PKHD1: variants seen among roughly 807,000 people sequenced by gnomAD.
The protein encoded by PKHD1 is PKHD1 ciliary IPT domain containing fibrocystin/polyductin, also known as fibrocystin.
A neutral mutation model predicts 412.0 loss-of-function variants in PKHD1; 291 were observed. That is an observed-to-expected ratio of 0.71 (90% CI 0.64 to 0.78). The LOEUF (loss-of-function observed/expected upper bound fraction) is 0.78, where lower values mean the gene tolerates loss of function less well. PKHD1 is among the 30% of genes least tolerant of loss of function. The pLI, the probability that PKHD1 is intolerant of heterozygous loss-of-function variation, is 0.00. For synonymous variants in PKHD1, 1,777 were observed against 1,821.5 expected (o/e 0.98, Z 0.62); for missense variants, 4,825 against 4,950.7 (o/e 0.97, Z 0.76).
At chr6:51,695,123 TTAA>T (rs1440609093) in intron 60 of PKHD1, among the ~76,000 whole-genome samples, 1 of 152,170 alleles carries the variant, frequency 6.6e-6, no homozygotes, top group African/African-American at 2.4e-5. Flanking sequence ...TTAAAAGTAT[TTAA>T]TAATATTTCT....
intron 52 of PKHD1, among the ~76,000 whole-genome samples, chr6:51,812,994 G>T (rs1764925762): frequency 6.6e-6 from 1 of 152,156 alleles, no homozygotes; most frequent in Non-Finnish European, 1.5e-5. Flanking sequence ...CTGTAAGCCT[G>T]CTTCCCACTT....
chr6:52,014,822 A>ATGGATGGG (rs1800320124), intron 34 of PKHD1, among the ~76,000 whole-genome samples: 1 of 151,968 alleles, frequency 6.6e-6, no homozygotes, highest in African/African-American at 2.4e-5. Context: ...GGATGGATGG[A>ATGGATGGG]TGGACGGACG....
chr6:52,024,542 A>T, intron 32 of PKHD1, 32 bp downstream of exon 32: 1 of 1,578,472 alleles, frequency 6.3e-7, no homozygotes, highest in South Asian at 1.1e-5. Context: ...ATTTACATAA[A>T]GAAAGTGTGC....
chr6:52,062,024 A>G, intron 14 of PKHD1, among the ~76,000 whole-genome samples: 1 of 152,208 alleles, frequency 6.6e-6, no homozygotes, highest in East Asian at 1.9e-4. Flanking sequence ...ACTGAAAACA[A>G]TGTCTCACAG....
chr6:51,883,251 C>T, intron 45 of PKHD1, 24 bp from the exon 46 acceptor site: 1 of 1,610,840 alleles, frequency 6.2e-7, no homozygotes. Context: ...CATGTTACAG[C>T]AAAGGTCTGA....
rs140262277 is a variant in PKHD1 at position 51,682,771 on chromosome 6, G to A, written c.10157-22802C>T. Among the ~76,000 whole-genome samples the A allele has an allele frequency of 4.5e-3, 677 of 152,084 alleles. 5 individuals are homozygous for A. Among genetic ancestry groups the A allele is most frequent in the African/African-American group, 0.015 (628 of 41,502 alleles). On this transcript the variant is annotated intron_variant, in intron 60 of 66. Transcript: ENST00000371117. ...GGAGTCTTACCAATAGAAGCTCTGT[G>A]ACCTGAGGAATAGAAACAGTAGATT...
chr6:51,718,010 C>A (rs1781478046), intron 60 of PKHD1, among the ~76,000 whole-genome samples: 1 of 152,236 alleles, frequency 6.6e-6, no homozygotes, highest in Non-Finnish European at 1.5e-5. Flanking sequence ...AGCATAGACA[C>A]CTTTGGCTAA....
chr6:51,825,106 G>A (rs1767099211), intron 52 of PKHD1, among the ~76,000 whole-genome samples: 1 of 152,164 alleles, frequency 6.6e-6, no homozygotes, highest in Admixed American at 6.6e-5. Context: ...AAATTTAGCA[G>A]GCTCTAAAGC....
intron 55 of PKHD1, among the ~76,000 whole-genome samples, chr6:51,757,284 T>C (rs922782311): frequency 5.9e-5 from 9 of 152,302 alleles, no homozygotes; most frequent in Middle Eastern, 3.4e-3. Context: ...CCACATGAGA[T>C]TTTTTAGGGC....
At position 51,689,624 on chromosome 6, in the gene PKHD1, G is replaced by A. The variant is rs540970376; in HGVS notation, c.10157-29655C>T. Among the ~76,000 whole-genome samples, 4 of 152,326 alleles carry A rather than the reference G, an allele frequency of 2.6e-5. No homozygotes were observed. In the South Asian group the frequency reaches 6.2e-4, roughly 24 times the overall value. Reference sequence around the variant, plus strand: ...TAGTCTCAGCCCAAAAGCTTCTTAAGCTGATAAACAACTTCAGCAAAGTCT... The same window carrying A: ...TAGTCTCAGCCCAAAAGCTTCTTAAACTGATAAACAACTTCAGCAAAGTCT... On this transcript the variant is annotated intron_variant, in intron 60 of 66. Transcript: ENST00000371117.
chr6:51,853,818 A>T (rs1013431292), intron 49 of PKHD1, among the ~76,000 whole-genome samples: 1 of 152,126 alleles, frequency 6.6e-6, no homozygotes, highest in East Asian at 1.9e-4. Flanking sequence ...CAATTCCTCT[A>T]ACTTTTTATC....
At chr6:51,658,390 A>G (rs544440422) in intron 61 of PKHD1, among the ~76,000 whole-genome samples, 1 of 152,250 alleles carries the variant, frequency 6.6e-6, no homozygotes, top group South Asian at 2.1e-4. Context: ...AAAGACAATC[A>G]ATGTATTAGC....
intron 55 of PKHD1, among the ~76,000 whole-genome samples, chr6:51,757,151 G>A (rs1464243783): frequency 6.6e-6 from 1 of 152,116 alleles, no homozygotes; most frequent in Non-Finnish European, 1.5e-5. Flanking sequence ...GGCCCTGGGG[G>A]TTGGGGACCC....
At position 51,645,451 on chromosome 6, in the gene PKHD1, G is replaced by A. The variant is rs186272845; in HGVS notation, c.11398+2580C>T. 9.2e-5 allele frequency among the ~76,000 whole-genome samples: 14 copies of A among 152,116 alleles called. No homozygotes were observed. In the East Asian group the frequency reaches 2.1e-3, roughly 23 times the overall value. ...TCTGTCACCCAGGCTAGAGTGCAGT[G>A]GCGCCATCTTGGCTCACCGCAACCT... On this transcript the variant is annotated intron_variant, in intron 63 of 66. Transcript: ENST00000371117.
chr6:51,774,593 G>A (rs1204007561), intron 54 of PKHD1, among the ~76,000 whole-genome samples: 1 of 151,858 alleles, frequency 6.6e-6, no homozygotes, highest in Non-Finnish European at 1.5e-5. Context: ...AAAACCTTTG[G>A]AAACTTAAAG....
chr6:52,046,352 C>A (rs1244347086), intron 23 of PKHD1, among the ~76,000 whole-genome samples, 164 bp from the exon 24 acceptor site: 1 of 152,150 alleles, frequency 6.6e-6, no homozygotes, highest in African/African-American at 2.4e-5. Context: ...CATAATTAAA[C>A]CATTTTTTCC....
chr6:52,050,795 T>C (rs1355887307), intron 21 of PKHD1, among the ~76,000 whole-genome samples: 2 of 152,162 alleles, frequency 1.3e-5, no homozygotes, highest in Non-Finnish European at 2.9e-5. Context: ...AGACCACTGG[T>C]CAAATCCTGA....
intron 27 of PKHD1, among the ~76,000 whole-genome samples, chr6:52,038,090 G>A (rs1228415795): frequency 6.6e-6 from 1 of 152,080 alleles, no homozygotes; most frequent in Non-Finnish European, 1.5e-5. Context: ...TTTATAAAAA[G>A]GGGAATTTGG....
chr6:52,070,967 T>C (rs751553130), intron 9 of PKHD1, 39 bp downstream of exon 9: 2 of 1,256,188 alleles, frequency 1.6e-6, no homozygotes, highest in South Asian at 1.2e-5. Context: ...GAGAAAGAAA[T>C]GGATAAGACT....
Sources: gnomAD v4.1 joint callset for allele counts (sites outside exome capture counted in the v4.1 genomes callset) on GRCh38, gnomAD v4.1.1 for gene constraint, MANE v1.5 for transcripts, NCBI Gene and HGNC (gene_info 2026-07-23, HGNC 2026-07-21) for gene names.